Variants in KLF15 observed in about 807,000 individuals in gnomAD.
KLF15 encodes the protein Krueppel-like factor 15.
Under a neutral mutation model 24.6 loss-of-function variants are expected in KLF15, and 4 were observed. The observed-to-expected ratio is 0.16, with a 90% CI of 0.08 to 0.37. The LOEUF (loss-of-function observed/expected upper bound fraction) is 0.37. Among genes scored for constraint, KLF15 ranks in the 10% least tolerant of loss-of-function variants. KLF15 has a pLI of 1.00. For synonymous variants in KLF15, 246 were observed against 236.3 expected (o/e 1.04, Z -0.37); for missense variants, 496 against 560.6 (o/e 0.88, Z 1.16).
At chr3:126,326,323 A>G in the KLF15 span, among the ~76,000 whole-genome samples, 3 of 150,590 alleles carry the variant, frequency 2.0e-5, no homozygotes, top group Admixed American at 6.6e-5. Context: ...TGAACTTTAA[A>G]GTAGTTTTTT....
At chr3:126,340,403 G>A (rs2082471070), downstream of KLF15, among the ~76,000 whole-genome samples, 1 of 152,242 alleles carries the variant, frequency 6.6e-6, no homozygotes, top group Non-Finnish European at 1.5e-5. Flanking sequence ...GAGCCAAGGG[G>A]CATTGGAGGA....
the KLF15 span, among the ~76,000 whole-genome samples, chr3:126,301,215 G>A: frequency 6.6e-6 from 1 of 152,110 alleles, no homozygotes; most frequent in Non-Finnish European, 1.5e-5. Flanking sequence ...TTTCTGTGTA[G>A]CCGCCAGGGC....
At chr3:126,301,811 C>T in the KLF15 span, among the ~76,000 whole-genome samples, 1 of 151,878 alleles carries the variant, frequency 6.6e-6, no homozygotes, top group Admixed American at 6.6e-5. Context: ...GACGGGGTTT[C>T]ACTATGTTGA....
At chr3:126,331,677 G>A in the KLF15 span, among the ~76,000 whole-genome samples, 97 of 152,320 alleles carry the variant, frequency 6.4e-4, no homozygotes, top group African/African-American at 2.1e-3. Context: ...CGCAGAAGAC[G>A]GGTGATTTCT....
At chr3:126,340,294 G>A (rs1337105189), downstream of KLF15, among the ~76,000 whole-genome samples, 1 of 152,316 alleles carries the variant, frequency 6.6e-6, no homozygotes, top group African/African-American at 2.4e-5. Context: ...ACTGAGTTCC[G>A]GCCAACAGAA....
At chr3:126,297,337 G>A in the KLF15 span, among the ~76,000 whole-genome samples, 39 of 152,158 alleles carry the variant, frequency 2.6e-4, 2 homozygotes, top group South Asian at 7.7e-3. Flanking sequence ...TAAGCCTGTT[G>A]ACCTAACACT....
chr3:126,351,356 C>G (rs537594185), intron 2 of KLF15, among the ~76,000 whole-genome samples: 3 of 152,356 alleles, frequency 2.0e-5, no homozygotes, highest in South Asian at 2.1e-4. Flanking sequence ...TGTGACCTCT[C>G]GAATCCGGCC....
At chr3:126,327,096 C>T in the KLF15 span, among the ~76,000 whole-genome samples, 6 of 152,264 alleles carry the variant, frequency 3.9e-5, no homozygotes, top group East Asian at 1.9e-4. Context: ...GGTGCCTTGC[C>T]GGTCCTAGGA....
the KLF15 span, among the ~76,000 whole-genome samples, chr3:126,331,897 C>T: frequency 1.3e-5 from 2 of 152,178 alleles, no homozygotes; most frequent in African/African-American, 4.8e-5. Flanking sequence ...AGATTATATC[C>T]CACACCTGGC....
the KLF15 span, among the ~76,000 whole-genome samples, chr3:126,330,703 G>A: frequency 6.6e-6 from 1 of 152,104 alleles, no homozygotes; most frequent in Non-Finnish European, 1.5e-5. Context: ...TGAATACAGT[G>A]CTCTTCCCTG....
At chr3:126,291,649 C>T in the KLF15 span, among the ~76,000 whole-genome samples, 1 of 152,280 alleles carries the variant, frequency 6.6e-6, no homozygotes, top group African/African-American at 2.4e-5. Context: ...CCGGCCTTTG[C>T]CATTGATGTG....
At chr3:126,318,812 TATC>T in the KLF15 span, among the ~76,000 whole-genome samples, 32 of 152,326 alleles carry the variant, frequency 2.1e-4, no homozygotes, top group Middle Eastern at 3.4e-3. Context: ...CAGACACTGA[TATC>T]ATTATCACCT....
At chr3:126,341,358 C>G (rs528124078), downstream of KLF15, among the ~76,000 whole-genome samples, 3 of 152,314 alleles carry the variant, frequency 2.0e-5, no homozygotes, top group African/African-American at 4.8e-5. Flanking sequence ...CATATGCTCC[C>G]GAGGTTATTC....
the KLF15 span, among the ~76,000 whole-genome samples, chr3:126,299,697 C>T: frequency 2.2e-5 from 3 of 136,424 alleles, no homozygotes; most frequent in African/African-American, 8.6e-5. Context: ...TGCAGTGAGC[C>T]GAGATCACGC....
chr3:126,292,017 T>A, the KLF15 span, among the ~76,000 whole-genome samples: 1 of 152,192 alleles, frequency 6.6e-6, no homozygotes, highest in Admixed American at 6.5e-5. Flanking sequence ...ACCCTAAGTG[T>A]CCACGGAAGT....
the KLF15 span, among the ~76,000 whole-genome samples, chr3:126,322,221 C>T: frequency 7.0e-6 from 1 of 142,988 alleles, no homozygotes; most frequent in African/African-American, 2.6e-5. Context: ...ACAATGACCA[C>T]AAACTTGGGA....
At chr3:126,297,981 G>T in the KLF15 span, among the ~76,000 whole-genome samples, 1 of 152,184 alleles carries the variant, frequency 6.6e-6, no homozygotes, top group African/African-American at 2.4e-5. Context: ...AGGATTGCTG[G>T]ATCAAATTGT....
At position 126,352,594 on chromosome 3, in the gene KLF15, C is replaced by T. The variant is rs560329643; in HGVS notation, c.329G>A (p.Arg110Lys). The change falls in exon 2 of 3, where the codon AGG becomes AAG. Residue 110 changes from arginine (R) to lysine (K), a missense_variant. Physicochemically the swap from Arg to Lys is conservative, Grantham distance 26. Coordinates refer to ENST00000296233, the MANE Select transcript of KLF15 (RefSeq NM_014079.4). ...SGPVAWGPWRRAAAPVKGEHF... is the reference protein window; with the variant it reads ...SGPVAWGPWRKAAAPVKGEHF... Reference sequence around the variant, plus strand: ...CTCCCCCTTCACAGGGGCCGCTGCCCTTCGCCAGGGCCCCCAGGCCACGGG... The same window carrying T: ...CTCCCCCTTCACAGGGGCCGCTGCCTTTCGCCAGGGCCCCCAGGCCACGGG... 15 of 1,611,624 alleles carry T rather than the reference C, an allele frequency of 9.3e-6. No individual in the cohort carries two copies. The highest frequency in any genetic ancestry group is 1.3e-5 in the Non-Finnish European group (15 of 1,179,566).
At chr3:126,297,402 T>A in the KLF15 span, among the ~76,000 whole-genome samples, 1 of 152,244 alleles carries the variant, frequency 6.6e-6, no homozygotes, top group African/African-American at 2.4e-5. Context: ...CTTTCTATCA[T>A]ATACTAAATT....
Sources: allele counts gnomAD v4.1 joint callset (sites outside exome capture counted in the v4.1 genomes callset), GRCh38; gene constraint gnomAD v4.1.1; transcripts MANE v1.5; gene names NCBI Gene and HGNC (gene_info 2026-07-23, HGNC 2026-07-21).